Variants in SEMA6A observed in about 807,000 individuals in gnomAD.
SEMA6A encodes semaphorin 6A, also known as semaphorin-6A.
A neutral mutation model predicts 96.8 loss-of-function variants in SEMA6A; 25 were observed. The observed-to-expected ratio is 0.26, with a 90% CI of 0.19 to 0.36. The LOEUF (loss-of-function observed/expected upper bound fraction) is 0.36. SEMA6A is among the 10% of genes least tolerant of loss of function. The pLI is 1.00. For synonymous variants in SEMA6A, 612 were observed against 518.0 expected, an observed-to-expected ratio of 1.18 and a Z score of -2.46; for missense variants, 1,363 against 1,323.1, an observed-to-expected ratio of 1.03 and a Z score of -0.47.
chr5:116,469,709 A>C (rs80226354), intron 17 of SEMA6A, among the ~76,000 whole-genome samples: 1,579 of 152,330 alleles, frequency 0.01, 25 homozygotes, highest in African/African-American at 0.036. Flanking sequence ...GTTTAGGGAG[A>C]ACATTTCTTA....
intron 1 of SEMA6A, chr5:116,562,637 A>G (rs1235847237): frequency 8.6e-6 from 6 of 695,020 alleles, no homozygotes; most frequent in Non-Finnish European, 1.6e-5. Flanking sequence ...CGGAGAAAAC[A>G]TATTTGGTGT....
chr5:116,479,179 G>C (rs1756624282), intron 12 of SEMA6A, among the ~76,000 whole-genome samples: 1 of 152,128 alleles, frequency 6.6e-6, no homozygotes, highest in African/African-American at 2.4e-5. Flanking sequence ...TGTTTGATTG[G>C]AAAGCTTTCT....
At chr5:116,457,316 T>A (rs898467596) in intron 18 of SEMA6A, among the ~76,000 whole-genome samples, 5 of 152,172 alleles carry the variant, frequency 3.3e-5, no homozygotes, top group African/African-American at 1.2e-4. Flanking sequence ...TCCAAAAGGT[T>A]AGGCATAATG....
chr5:116,530,565 C>G (rs7718662), intron 1 of SEMA6A, among the ~76,000 whole-genome samples: 8,680 of 152,000 alleles, frequency 0.057, 663 homozygotes, highest in African/African-American at 0.17. Flanking sequence ...ATCTGGTAAG[C>G]TTTTTTTAAG....
intron 9 of SEMA6A, 82 bp from the exon 10 acceptor site, chr5:116,487,048 C>G: frequency 2.2e-6 from 2 of 919,244 alleles, no homozygotes; most frequent in South Asian, 3.2e-5. Flanking sequence ...TCCTTGAAAA[C>G]AGAAACAAAA....
rs1754291667 is a variant in SEMA6A, at chr5:116,447,343, G to C, written c.2363C>G (p.Thr788Arg). The C allele has an allele frequency of 6.2e-7, 1 of 1,613,780 alleles. No homozygotes were observed. The highest frequency in any genetic ancestry group is 1.1e-5 in the South Asian group (1 of 91,096). The change falls in exon 19 of 19, where the codon ACA (threonine) becomes AGA (arginine). Residue 788 changes from threonine (T) to arginine (R), a missense_variant. By Grantham distance (71) the Thr-to-Arg change is moderately conservative. Around this residue, in one of 2 missense-constraint regions of SEMA6A, gnomAD observed 883 missense variants for 763.6 expected, o/e 1.16. Transcript: ENST00000343348. Reference sequence around the variant, plus strand: ...GGAGCCCATGGGGGGCATGTCCTTTGTGCAGGCATTGATGAGGTTCTGGTT... The same window carrying C: ...GGAGCCCATGGGGGGCATGTCCTTTCTGCAGGCATTGATGAGGTTCTGGTT... ...ERNQNLINAC[T>R]KDMPPMGSPV...
At chr5:116,572,945 G>A (rs185526487) in intron 1 of SEMA6A, among the ~76,000 whole-genome samples, 1 of 152,302 alleles carries the variant, frequency 6.6e-6, no homozygotes, top group East Asian at 1.9e-4. Flanking sequence ...GCGGAGGGGC[G>A]GCGAGGGAGC....
intron 1 of SEMA6A, among the ~76,000 whole-genome samples, chr5:116,569,223 G>C (rs906538192): frequency 1.3e-5 from 2 of 152,154 alleles, no homozygotes; most frequent in African/African-American, 4.8e-5. Context: ...GGATCAAAAG[G>C]CTTCACTGAG....
intron 18 of SEMA6A, among the ~76,000 whole-genome samples, chr5:116,451,527 G>T (rs10447236): frequency 0.19 from 28,392 of 152,170 alleles, 2,845 homozygotes; most frequent in East Asian, 0.38. Context: ...GAAAATGTTG[G>T]CAATTATAGT....
chr5:116,513,723 G>T (rs1008674049), intron 1 of SEMA6A, among the ~76,000 whole-genome samples: 1 of 151,446 alleles, frequency 6.6e-6, no homozygotes, highest in African/African-American at 2.4e-5. Context: ...TCATCCCATC[G>T]CCCAAGTATT....
chr5:116,545,507 T>G (rs1423468027), intron 1 of SEMA6A, among the ~76,000 whole-genome samples: 1 of 151,578 alleles, frequency 6.6e-6, no homozygotes, highest in Non-Finnish European at 1.5e-5. Context: ...GAGGTGGAGG[T>G]TGTAGTGAGC....
intron 1 of SEMA6A, 53 bp from the exon 2 acceptor site, chr5:116,505,035 A>C (rs1758077400): frequency 2.7e-6 from 2 of 745,138 alleles, no homozygotes; most frequent in Non-Finnish European, 4.6e-6. Context: ...GTTCAATGCC[A>C]TAAAATGAAA....
intron 7 of SEMA6A, among the ~76,000 whole-genome samples, chr5:116,490,250 C>G (rs1189043334): frequency 6.6e-6 from 1 of 152,078 alleles, no homozygotes; most frequent in East Asian, 1.9e-4. Context: ...CAAAAAATAT[C>G]TACGAATCAT....
intron 6 of SEMA6A, among the ~76,000 whole-genome samples, chr5:116,494,137 T>C (rs1757464103): frequency 6.6e-6 from 1 of 152,196 alleles, no homozygotes; most frequent in South Asian, 2.1e-4. Context: ...CTTCCCTTCA[T>C]CCCTGGGGCT....
chr5:116,543,691 TAGC>T (rs1760070712), intron 1 of SEMA6A, among the ~76,000 whole-genome samples: 1 of 152,198 alleles, frequency 6.6e-6, no homozygotes, highest in South Asian at 2.1e-4. Flanking sequence ...ACAGATTAGG[TAGC>T]AGAAATACCA....
chr5:116,573,414 C>CTA (rs57533392), intron 1 of SEMA6A, among the ~76,000 whole-genome samples: 13,353 of 152,116 alleles, frequency 0.088, 2,006 homozygotes, highest in African/African-American at 0.31. Flanking sequence ...CCGCGACGGG[C>CTA]TATATCCTTG....
chr5:116,520,299 G>A (rs1319992327), intron 1 of SEMA6A, among the ~76,000 whole-genome samples: 1 of 141,450 alleles, frequency 7.1e-6, no homozygotes, highest in Non-Finnish European at 1.5e-5. Context: ...TTTCTGCAAT[G>A]GATTTGTTCC....
At chr5:116,536,894 A>AGG (rs1759740519) in intron 1 of SEMA6A, among the ~76,000 whole-genome samples, 1 of 143,808 alleles carries the variant, frequency 7.0e-6, no homozygotes, top group African/African-American at 2.7e-5. Flanking sequence ...AAAAAAAAAA[A>AGG]GCAAAACTGG....
intron 3 of SEMA6A, among the ~76,000 whole-genome samples, chr5:116,501,309 C>A (rs1162028832): frequency 6.6e-6 from 1 of 152,164 alleles, no homozygotes; most frequent in Admixed American, 6.5e-5. Context: ...TTTATGTGAT[C>A]CCTGTTTGAG....
Sources: gnomAD v4.1 joint callset for allele counts (sites outside exome capture counted in the v4.1 genomes callset) on GRCh38, gnomAD v4.1.1 for gene constraint, gnomAD v4.1.1 regional missense constraint, MANE v1.5 for transcripts, NCBI Gene and HGNC (gene_info 2026-07-23, HGNC 2026-07-21) for gene names.